COMMD1: variants seen among roughly 807,000 people sequenced by gnomAD.
The protein encoded by COMMD1 is copper metabolism domain containing 1, also known as COMM domain-containing protein 1.
In COMMD1, 10 loss-of-function variants were observed where a neutral mutation model predicts 17.2. That is an observed-to-expected ratio of 0.58 (90% CI 0.36 to 0.99). COMMD1 has a LOEUF of 0.99. Ranked by LOEUF, COMMD1 falls within the 50% of genes least tolerant of loss-of-function variation. The pLI is 0.01. For synonymous variants in COMMD1, 97 were observed against 91.6 expected (o/e 1.06, Z -0.34); for missense variants, 270 against 231.8 (o/e 1.17, Z -1.07).
chr2:61,972,682 C>A (rs1452457102), intron 1 of COMMD1, among the ~76,000 whole-genome samples: 2 of 152,204 alleles, frequency 1.3e-5, no homozygotes, highest in Admixed American at 6.5e-5. Context: ...AGGCAAACAT[C>A]AGGCAAATCT....
rs575634451 is a variant in COMMD1, at chr2:61,993,401, C to T, written c.181-7300C>T. On this transcript the variant is annotated intron_variant, in intron 1 of 2. Coordinates refer to ENST00000311832, the MANE Select transcript of COMMD1 (RefSeq NM_152516.4). The stretch of plus-strand genomic sequence containing the variant: ...GGCATTTGTTTTTAACACTTTGTTG[C>T]CTGCCAGAATCACTTTGGAAGCTTT... Among the ~76,000 whole-genome samples the T allele has an allele frequency of 7.9e-5, 12 of 152,298 alleles. No homozygotes were observed. The East Asian group carries it at 2.3e-3, about 29-fold the overall frequency.
chr2:62,085,275 T>C (rs1671626278), intron 2 of COMMD1, among the ~76,000 whole-genome samples: 1 of 151,118 alleles, frequency 6.6e-6, no homozygotes, highest in African/African-American at 2.4e-5. Flanking sequence ...TGGAGTGCAG[T>C]GGCGCGATCT....
chr2:62,083,397 C>T (rs927047595), intron 2 of COMMD1, among the ~76,000 whole-genome samples: 4 of 152,338 alleles, frequency 2.6e-5, no homozygotes, highest in Non-Finnish European at 4.4e-5. Flanking sequence ...GAATGAGCCT[C>T]TCTATATTCT....
At chr2:62,113,599 G>A (rs1036944814) in intron 2 of COMMD1, among the ~76,000 whole-genome samples, 14 of 152,080 alleles carry the variant, frequency 9.2e-5, no homozygotes, top group Non-Finnish European at 2.1e-4. Context: ...GGCCAGGCTG[G>A]TCTCCAACTC....
chr2:61,952,675 A>G (rs936632019), intron 1 of COMMD1, among the ~76,000 whole-genome samples: 11 of 152,206 alleles, frequency 7.2e-5, no homozygotes, highest in African/African-American at 2.7e-4. Context: ...GACTGATTTA[A>G]GTGATAACTC....
rs1451847303 is a variant in COMMD1 at position 62,052,656 on chromosome 2, T to G, written c.462+51674T>G. 5.9e-5 allele frequency among the ~76,000 whole-genome samples: 9 copies of G among 152,346 alleles called. No homozygotes were observed. The East Asian group carries it at 1.7e-3, about 29-fold the overall frequency. On this transcript the variant is annotated intron_variant, in intron 2 of 2. Coordinates refer to ENST00000311832, the MANE Select transcript of COMMD1 (RefSeq NM_152516.4). ...TTCCATATACCACTACAGAGTTTAT[T>G]TTTTCACTAATCACTGCAGTTTTTT...
chr2:62,092,461 G>A (rs78054052), intron 2 of COMMD1, among the ~76,000 whole-genome samples: 3,691 of 152,196 alleles, frequency 0.024, 121 homozygotes, highest in African/African-American at 0.069. Context: ...GTCCAGGGGC[G>A]GTCAGGAAAG....
intron 2 of COMMD1, among the ~76,000 whole-genome samples, chr2:62,008,770 A>C (rs1384144143): frequency 6.8e-6 from 1 of 146,538 alleles, no homozygotes; most frequent in Non-Finnish European, 1.5e-5. Flanking sequence ...AGAATACATT[A>C]TTTATTTGTT....
intron 2 of COMMD1, among the ~76,000 whole-genome samples, chr2:62,128,944 T>TC (rs1236149169): frequency 8.2e-6 from 1 of 121,996 alleles, no homozygotes; most frequent in African/African-American, 3.6e-5. Flanking sequence ...AGAGCGAAAC[T>TC]CCATCTAAAA....
rs112034419 is a variant in COMMD1 at position 62,070,740 on chromosome 2, A to G, written c.463-65091A>G. On this transcript the variant is annotated intron_variant, in intron 2 of 2. Transcript: ENST00000311832. ...TGAAAACAGGTTTATTAAGAAAGTA[A>G]AGAAATAGGCCAGGTGCAGTGGCTC... 3.3e-3 allele frequency among the ~76,000 whole-genome samples: 508 copies of G among 152,286 alleles called. 6 individuals carry two copies. Among genetic ancestry groups the G allele is most frequent in the African/African-American group, 0.012 (497 of 41,570 alleles).
intron 2 of COMMD1, among the ~76,000 whole-genome samples, chr2:62,122,094 A>G (rs1421546508): frequency 6.6e-6 from 1 of 152,128 alleles, no homozygotes; most frequent in Non-Finnish European, 1.5e-5. Context: ...ACCTGGCCAT[A>G]TTTATTTATT....
intron 1 of COMMD1, among the ~76,000 whole-genome samples, chr2:61,919,700 G>A (rs774815925): frequency 4.5e-4 from 69 of 151,994 alleles, no homozygotes; most frequent in Non-Finnish European, 6.9e-4. Flanking sequence ...TCTTTTAAAT[G>A]CCTTTATAAC....
At chr2:62,105,145 GAAA>G (rs746873881) in intron 2 of COMMD1, among the ~76,000 whole-genome samples, 1 of 149,380 alleles carries the variant, frequency 6.7e-6, no homozygotes, top group Non-Finnish European at 1.5e-5. Context: ...AAAAGAAAAA[GAAA>G]AAAAAGAAAA....
chr2:62,134,732 C>T (rs1255954155), intron 2 of COMMD1, among the ~76,000 whole-genome samples: 2 of 152,004 alleles, frequency 1.3e-5, no homozygotes, highest in Non-Finnish European at 2.9e-5. Context: ...GAGCTATGAT[C>T]ATGCCACTGC....
At chr2:61,933,616 A>G (rs1464828676) in intron 1 of COMMD1, among the ~76,000 whole-genome samples, 1 of 152,174 alleles carries the variant, frequency 6.6e-6, no homozygotes, top group Non-Finnish European at 1.5e-5. Flanking sequence ...CTGCCATGAT[A>G]TGACATAGTA....
At chr2:62,129,999 C>T (rs985213064) in intron 2 of COMMD1, among the ~76,000 whole-genome samples, 15 of 151,982 alleles carry the variant, frequency 9.9e-5, no homozygotes, top group Non-Finnish European at 1.9e-4. Flanking sequence ...CACGGTGAAA[C>T]CCCTTCTCTA....
intron 1 of COMMD1, among the ~76,000 whole-genome samples, chr2:61,907,478 G>C (rs567197433): frequency 5.9e-5 from 9 of 152,174 alleles, no homozygotes; most frequent in Non-Finnish European, 1.0e-4. Flanking sequence ...TTGACATCTG[G>C]GTTTTTGAGG....
rs1671971772 is a variant in COMMD1 at position 62,095,370 on chromosome 2, AC to A, written c.463-40460del. Among the ~76,000 whole-genome samples the A allele has an allele frequency of 2.6e-5, 4 of 152,354 alleles. No individual in the cohort carries two copies. The South Asian group carries it at 8.3e-4, about 32-fold the overall frequency. On this transcript the variant is annotated intron_variant, in intron 2 of 2. Coordinates refer to ENST00000311832, the MANE Select transcript of COMMD1 (RefSeq NM_152516.4). ...CTAAAAATTCTATTGGCTAACTTAT[AC>A]AATAATTTTGATTAATAACCTGAGA...
At chr2:62,056,939 A>G (rs6735714) in intron 2 of COMMD1, among the ~76,000 whole-genome samples, 276 of 152,304 alleles carry the variant, frequency 1.8e-3, no homozygotes, top group African/African-American at 5.8e-3. Flanking sequence ...ATTGCCACAA[A>G]TGCACTCAAA....
Sources: gnomAD v4.1 joint callset for allele counts (sites outside exome capture counted in the v4.1 genomes callset) on GRCh38, gnomAD v4.1.1 for gene constraint, MANE v1.5 for transcripts, NCBI Gene and HGNC (gene_info 2026-07-23, HGNC 2026-07-21) for gene names.